Variants in ANO10 observed in about 807,000 individuals in gnomAD.
The protein encoded by ANO10 is anoctamin-10.
In ANO10, 77 loss-of-function variants were observed where a neutral mutation model predicts 74.7. That is an observed-to-expected ratio of 1.03 (90% CI 0.86 to 1.25). The LOEUF (loss-of-function observed/expected upper bound fraction) is 1.25, where lower values mean the gene tolerates loss of function less well. Among genes scored for constraint, ANO10 ranks in the 50% most tolerant of loss-of-function variants. The pLI, the probability that ANO10 is intolerant of heterozygous loss-of-function variation, is 0.00. For synonymous variants in ANO10, 279 were observed against 284.9 expected, an observed-to-expected ratio of 0.98 and a Z score of 0.21; for missense variants, 721 against 778.1, an observed-to-expected ratio of 0.93 and a Z score of 0.87.
chr3:43,667,366 C>T (rs571355260), intron 1 of ANO10, among the ~76,000 whole-genome samples: 14 of 152,066 alleles, frequency 9.2e-5, no homozygotes, highest in African/African-American at 1.4e-4. Context: ...TGGGATTACA[C>T]GCGTGGGCCA....
chr3:43,425,200 CTTT>C (rs74270681), intron 12 of ANO10, among the ~76,000 whole-genome samples: 6 of 131,060 alleles, frequency 4.6e-5, no homozygotes, highest in Non-Finnish European at 4.9e-5. Context: ...TTTACTGTAA[CTTT>C]TTTTTTTTTT....
chr3:43,473,279 G>A (rs185568106), intron 11 of ANO10, among the ~76,000 whole-genome samples: 240 of 152,130 alleles, frequency 1.6e-3, no homozygotes, highest in African/African-American at 5.5e-3. Context: ...CTCTCATGAC[G>A]AGACACTGTC....
intron 12 of ANO10, among the ~76,000 whole-genome samples, chr3:43,387,984 T>C (rs1460590843): frequency 6.6e-6 from 1 of 152,172 alleles, no homozygotes; most frequent in African/African-American, 2.4e-5. Context: ...AAATTGGATA[T>C]TCACCTTTCT....
At chr3:43,516,595 T>C (rs998117158) in intron 11 of ANO10, among the ~76,000 whole-genome samples, 3 of 152,158 alleles carry the variant, frequency 2.0e-5, no homozygotes, top group Non-Finnish European at 4.4e-5. Flanking sequence ...TTCACACATA[T>C]TAGACTGGAG....
At chr3:43,572,062 C>T (rs948433991) in intron 7 of ANO10, among the ~76,000 whole-genome samples, 23 of 152,290 alleles carry the variant, frequency 1.5e-4, no homozygotes, top group African/African-American at 5.3e-4. Context: ...CAGCACAGCA[C>T]GTGCACACCT....
At chr3:43,490,297 T>C (rs1451101252) in intron 11 of ANO10, among the ~76,000 whole-genome samples, 3 of 152,174 alleles carry the variant, frequency 2.0e-5, no homozygotes, top group Admixed American at 2.0e-4. Context: ...TCTCTAAATA[T>C]TCCCTCCTGT....
chr3:43,685,163 A>G (rs1187012222), intron 1 of ANO10, among the ~76,000 whole-genome samples: 2 of 152,230 alleles, frequency 1.3e-5, no homozygotes, highest in East Asian at 1.9e-4. Context: ...TATTCGCCTT[A>G]CTATCTTTTG....
intron 4 of ANO10, among the ~76,000 whole-genome samples, chr3:43,591,076 C>T (rs572929285): frequency 6.6e-6 from 1 of 152,196 alleles, no homozygotes; most frequent in Non-Finnish European, 1.5e-5. Context: ...GCGGCAACCC[C>T]CTTTGGGTCC....
chr3:43,591,478 C>G (rs1260524028), intron 4 of ANO10, among the ~76,000 whole-genome samples: 1 of 152,128 alleles, frequency 6.6e-6, no homozygotes, highest in Non-Finnish European at 1.5e-5. Flanking sequence ...CGTGAGGCTC[C>G]CCAGGTCAGA....
intron 11 of ANO10, among the ~76,000 whole-genome samples, chr3:43,450,755 A>C (rs144278127): frequency 8.5e-5 from 13 of 152,314 alleles, no homozygotes; most frequent in African/African-American, 3.1e-4. Flanking sequence ...GCACTCTGGA[A>C]AATATTGATG....
At chr3:43,411,038 G>A (rs1188152069) in intron 12 of ANO10, among the ~76,000 whole-genome samples, 4 of 151,850 alleles carry the variant, frequency 2.6e-5, no homozygotes, top group East Asian at 3.9e-4. Flanking sequence ...AGGTCCTTCC[G>A]CAAATCTCTG....
At chr3:43,430,477 G>A (rs1180278919) in intron 12 of ANO10, among the ~76,000 whole-genome samples, 1 of 151,918 alleles carries the variant, frequency 6.6e-6, no homozygotes, top group Non-Finnish European at 1.5e-5. Context: ...TAAGGAATGA[G>A]TTAAAATAAA....
At chr3:43,634,896 G>A (rs574605608) in intron 1 of ANO10, among the ~76,000 whole-genome samples, 2 of 152,314 alleles carry the variant, frequency 1.3e-5, no homozygotes, top group East Asian at 3.9e-4. Flanking sequence ...CTGATGAAAG[G>A]AGATGTGGTC....
chr3:43,660,250 G>C (rs1009033403), intron 1 of ANO10, among the ~76,000 whole-genome samples: 3 of 152,134 alleles, frequency 2.0e-5, no homozygotes, highest in Non-Finnish European at 4.4e-5. Flanking sequence ...GAATGAGTTT[G>C]ATGAGTTGAC....
At chr3:43,590,138 A>T (rs1400585844) in intron 4 of ANO10, among the ~76,000 whole-genome samples, 1 of 152,188 alleles carries the variant, frequency 6.6e-6, no homozygotes, top group Non-Finnish European at 1.5e-5. Flanking sequence ...GATGCTTGGG[A>T]GAAGTATTTT....
intron 1 of ANO10, among the ~76,000 whole-genome samples, chr3:43,610,809 A>G (rs978102205): frequency 6.6e-6 from 1 of 152,234 alleles, no homozygotes; most frequent in Non-Finnish European, 1.5e-5. Flanking sequence ...AAATATCAGT[A>G]ATCCTCAATA....
At chr3:43,489,869 G>GAA (rs35152788) in intron 11 of ANO10, among the ~76,000 whole-genome samples, 34 of 147,708 alleles carry the variant, frequency 2.3e-4, no homozygotes, top group Non-Finnish European at 3.6e-4. Context: ...CCTGATTTAA[G>GAA]AAAAAAAAAA....
chr3:43,643,224 G>C (rs2083689236), intron 1 of ANO10, among the ~76,000 whole-genome samples: 1 of 151,754 alleles, frequency 6.6e-6, no homozygotes, highest in Admixed American at 6.6e-5. Flanking sequence ...GTAGAGACGG[G>C]GTTTCACCGT....
At chr3:43,656,523 G>T (rs142829284) in intron 1 of ANO10, among the ~76,000 whole-genome samples, 1 of 152,224 alleles carries the variant, frequency 6.6e-6, no homozygotes, top group East Asian at 1.9e-4. Flanking sequence ...GCCCATGGAG[G>T]GGGTGGGAGG....
Sources: gnomAD v4.1 joint callset for allele counts (sites outside exome capture counted in the v4.1 genomes callset) on GRCh38, gnomAD v4.1.1 for gene constraint, MANE v1.5 for transcripts, NCBI Gene and HGNC (gene_info 2026-07-23, HGNC 2026-07-21) for gene names.